Variants in ASAP1 observed in about 807,000 individuals in gnomAD.
ASAP1 encodes ArfGAP with SH3 domain, ankyrin repeat and PH domain 1.
ASAP1 carries 43 observed loss-of-function variants against 145.2 expected under a neutral mutation model. The observed-to-expected ratio is 0.30, with a 90% CI of 0.23 to 0.38. ASAP1 has a LOEUF of 0.38. Among genes scored for constraint, ASAP1 ranks in the 10% least tolerant of loss-of-function variants. ASAP1 has a pLI of 1.00. For synonymous variants in ASAP1, 546 were observed against 515.5 expected, an observed-to-expected ratio of 1.06 and a Z score of -0.80; for missense variants, 1,018 against 1,355.3, an observed-to-expected ratio of 0.75 and a Z score of 3.91.
At chr8:130,080,437 C>A (rs930962004) in intron 25 of ASAP1, among the ~76,000 whole-genome samples, 1 of 151,144 alleles carries the variant, frequency 6.6e-6, no homozygotes, top group Non-Finnish European at 1.5e-5. Context: ...TCTGTTGGGC[C>A]AGGCCCTCAG....
chr8:130,369,332 A>G (rs1827107527), intron 2 of ASAP1, among the ~76,000 whole-genome samples: 1 of 152,240 alleles, frequency 6.6e-6, no homozygotes. Context: ...CTATATTTTT[A>G]ATGATTTTGA....
chr8:130,340,890 C>T (rs1331210980), intron 3 of ASAP1: 2 of 455,992 alleles, frequency 4.4e-6, no homozygotes, highest in African/African-American at 4.0e-5. Flanking sequence ...GCTGACCAAT[C>T]ATTGCGATGA....
intron 1 of ASAP1, among the ~76,000 whole-genome samples, chr8:130,428,835 T>C (rs1443938427): frequency 1.3e-5 from 2 of 152,194 alleles, no homozygotes; most frequent in African/African-American, 4.8e-5. Flanking sequence ...ATTGCATTAA[T>C]TTTCTAGGGC....
chr8:130,147,514 A>G (rs1176821030), intron 13 of ASAP1, among the ~76,000 whole-genome samples: 2 of 152,218 alleles, frequency 1.3e-5, no homozygotes, highest in Non-Finnish European at 2.9e-5. Flanking sequence ...ACTTCAGCTC[A>G]CTGAGATGAC....
At chr8:130,319,118 T>C (rs1437238055) in intron 3 of ASAP1, among the ~76,000 whole-genome samples, 1 of 152,316 alleles carries the variant, frequency 6.6e-6, no homozygotes, top group Non-Finnish European at 1.5e-5. Flanking sequence ...CTGTGGTTAT[T>C]TGGAGAAGAA....
At chr8:130,421,676 T>A (rs953229072) in intron 1 of ASAP1, among the ~76,000 whole-genome samples, 2 of 152,138 alleles carry the variant, frequency 1.3e-5, no homozygotes, top group African/African-American at 4.8e-5. Context: ...ACCACATGGA[T>A]GAGAGACTCC....
At chr8:130,307,529 T>C (rs1389460943) in intron 3 of ASAP1, among the ~76,000 whole-genome samples, 1 of 152,128 alleles carries the variant, frequency 6.6e-6, no homozygotes, top group Non-Finnish European at 1.5e-5. Flanking sequence ...AAATTTTACC[T>C]GCCACCTGCC....
intron 27 of ASAP1, among the ~76,000 whole-genome samples, chr8:130,073,147 T>G (rs1223845850): frequency 2.0e-5 from 3 of 151,104 alleles, no homozygotes; most frequent in African/African-American, 7.3e-5. Flanking sequence ...CTTTCCACAT[T>G]GGGAGGCTGA....
intron 3 of ASAP1, among the ~76,000 whole-genome samples, chr8:130,356,188 G>C (rs946214690): frequency 1.4e-4 from 21 of 152,116 alleles, no homozygotes; most frequent in African/African-American, 3.9e-4. Context: ...AAATATGCTC[G>C]CATACCTCTA....
intron 24 of ASAP1, among the ~76,000 whole-genome samples, chr8:130,100,879 T>G (rs571632825): frequency 6.6e-6 from 1 of 152,338 alleles, no homozygotes; most frequent in South Asian, 2.1e-4. Flanking sequence ...TGCCTGTGCT[T>G]TTGATGTGCT....
intron 3 of ASAP1, among the ~76,000 whole-genome samples, chr8:130,310,937 C>T (rs1443774432): frequency 6.6e-6 from 1 of 152,166 alleles, no homozygotes; most frequent in Non-Finnish European, 1.5e-5. Flanking sequence ...GACTCAAGAC[C>T]AACCTGGGCC....
chr8:130,330,104 T>C (rs1160148096), intron 3 of ASAP1, among the ~76,000 whole-genome samples: 1 of 151,880 alleles, frequency 6.6e-6, no homozygotes, highest in Non-Finnish European at 1.5e-5. Flanking sequence ...CCCACACACG[T>C]CCCCAACAAA....
chr8:130,331,044 C>T (rs1339391981), intron 3 of ASAP1, among the ~76,000 whole-genome samples: 3 of 152,054 alleles, frequency 2.0e-5, no homozygotes, highest in Admixed American at 6.5e-5. Flanking sequence ...TCAGTTCCCC[C>T]AGCTGCAAAA....
At chr8:130,205,581 A>T (rs1296281689) in intron 5 of ASAP1, among the ~76,000 whole-genome samples, 3 of 143,104 alleles carry the variant, frequency 2.1e-5, no homozygotes, top group African/African-American at 5.1e-5. Flanking sequence ...TATATATATA[A>T]AATACACGGC....
At chr8:130,208,186 T>C (rs948714218) in intron 5 of ASAP1, among the ~76,000 whole-genome samples, 45 of 152,312 alleles carry the variant, frequency 3.0e-4, no homozygotes, top group African/African-American at 1.1e-3. Context: ...ACATCTTATA[T>C]ATGTTAAACA....
At chr8:130,298,225 G>A (rs542616675) in intron 3 of ASAP1, among the ~76,000 whole-genome samples, 1 of 152,268 alleles carries the variant, frequency 6.6e-6, no homozygotes, top group Non-Finnish European at 1.5e-5. Flanking sequence ...TGAGAAACCT[G>A]TAATGGTGTC....
intron 4 of ASAP1, among the ~76,000 whole-genome samples, chr8:130,223,324 A>G (rs1479256516): frequency 1.3e-5 from 2 of 152,222 alleles, no homozygotes; most frequent in Admixed American, 6.5e-5. Flanking sequence ...AACTGGGCAT[A>G]TATAACCTTG....
At chr8:130,109,509 C>T (rs1475732641) in intron 24 of ASAP1, among the ~76,000 whole-genome samples, 2 of 152,028 alleles carry the variant, frequency 1.3e-5, no homozygotes, top group Non-Finnish European at 2.9e-5. Context: ...CTTCAGACCC[C>T]TAAATTCAGT....
chr8:130,091,975 C>G lies in ASAP1; in HGVS notation c.2570G>C (p.Trp857Ser). The G allele has an allele frequency of 6.5e-7, 1 of 1,548,042 alleles. No homozygotes were observed. The highest frequency in any genetic ancestry group is 8.7e-7 in the Non-Finnish European group (1 of 1,153,924). ...GCCCTGACTTTAGGATAACTTACCC[C>G]AAGGAACTGCGCCTTTGTTTGGGGG... Reference protein sequence around the residue: ...HGPPNKGAVPWGNDGGPSSSS... With the variant: ...HGPPNKGAVPSGNDGGPSSSS... The change falls in exon 25 of 30, where the codon TGG (tryptophan) becomes TCG (serine). Residue 857 changes from tryptophan (W) to serine (S), a missense_variant and splice_region_variant. Physicochemically the swap from Trp to Ser is radical, Grantham distance 177. Transcript: ENST00000518721.
Sources: gnomAD v4.1 joint callset for allele counts (sites outside exome capture counted in the v4.1 genomes callset) on GRCh38, gnomAD v4.1.1 for gene constraint, MANE v1.5 for transcripts, NCBI Gene and HGNC (gene_info 2026-07-23, HGNC 2026-07-21) for gene names.